CDH18: variants seen among roughly 807,000 people sequenced by gnomAD.
The protein encoded by CDH18 is cadherin-18.
CDH18 carries 31 observed loss-of-function variants against 67.9 expected under a neutral mutation model. That is an observed-to-expected ratio of 0.46 (90% CI 0.34 to 0.62). The LOEUF (loss-of-function observed/expected upper bound fraction) is 0.62. Among genes scored for constraint, CDH18 ranks in the 20% least tolerant of loss-of-function variants. The probability of loss-of-function intolerance (pLI) is 0.01; values close to 1 mark genes in which losing one functional copy is unlikely to be tolerated. For synonymous variants in CDH18, 362 were observed against 347.2 expected, an observed-to-expected ratio of 1.04 and a Z score of -0.48; for missense variants, 890 against 975.5, an observed-to-expected ratio of 0.91 and a Z score of 1.17.
At chr5:20,317,662 A>G (rs1377569163) in intron 1 of CDH18, among the ~76,000 whole-genome samples, 1 of 152,184 alleles carries the variant, frequency 6.6e-6, no homozygotes, top group Non-Finnish European at 1.5e-5. Flanking sequence ...ATTATGTTCA[A>G]CATAAGCTTT....
At chr5:20,255,300 T>C (rs1744149456) in intron 2 of CDH18, 1 of 152,162 alleles carries the variant, frequency 6.6e-6, no homozygotes, top group Non-Finnish European at 1.5e-5. Context: ...TTCTAAATAA[T>C]TCAGTGTAAT....
chr5:19,810,302 G>A (rs1212134179), intron 3 of CDH18, among the ~76,000 whole-genome samples: 1 of 152,092 alleles, frequency 6.6e-6, no homozygotes, highest in South Asian at 2.1e-4. Context: ...CTGCACCTCA[G>A]CCTGGGTGAC....
At chr5:19,477,715 G>C (rs889751955) in intron 12 of CDH18, among the ~76,000 whole-genome samples, 17 of 151,976 alleles carry the variant, frequency 1.1e-4, no homozygotes, top group African/African-American at 3.6e-4. Flanking sequence ...AAATGACCCT[G>C]ATAACCTATC....
At chr5:20,323,799 A>G (rs192876053) in intron 1 of CDH18, among the ~76,000 whole-genome samples, 1 of 152,358 alleles carries the variant, frequency 6.6e-6, no homozygotes, top group East Asian at 1.9e-4. Context: ...ATTATTTTTA[A>G]GCACCAGAGA....
At chr5:19,635,383 C>A (rs1320288492) in intron 5 of CDH18, among the ~76,000 whole-genome samples, 1 of 152,080 alleles carries the variant, frequency 6.6e-6, no homozygotes, top group Non-Finnish European at 1.5e-5. Flanking sequence ...AATGTACATA[C>A]AAAAATACAT....
At chr5:19,731,346 G>A (rs960672215) in intron 4 of CDH18, among the ~76,000 whole-genome samples, 26 of 152,246 alleles carry the variant, frequency 1.7e-4, no homozygotes, top group African/African-American at 6.3e-4. Flanking sequence ...AGCTACTCGG[G>A]AGGCTGAGGC....
At chr5:19,967,796 T>C (rs559273474) in intron 2 of CDH18, among the ~76,000 whole-genome samples, 110 of 152,172 alleles carry the variant, frequency 7.2e-4, no homozygotes, top group African/African-American at 2.5e-3. Flanking sequence ...AGGGATGCCC[T>C]CTCTCACCAC....
chr5:19,805,520 C>T (rs1256619559), intron 3 of CDH18, among the ~76,000 whole-genome samples: 1 of 152,130 alleles, frequency 6.6e-6, no homozygotes, highest in Admixed American at 6.5e-5. Context: ...ACTCCAGTGT[C>T]TCCTGATGCT....
intron 2 of CDH18, among the ~76,000 whole-genome samples, chr5:19,941,634 A>G (rs867555893): frequency 1.3e-5 from 2 of 151,988 alleles, no homozygotes; most frequent in Non-Finnish European, 2.9e-5. Flanking sequence ...AAGAAAAAAA[A>G]GAGTTAACTG....
chr5:19,545,204 T>C (rs911943964), intron 8 of CDH18, among the ~76,000 whole-genome samples: 2 of 152,136 alleles, frequency 1.3e-5, no homozygotes, highest in Admixed American at 6.6e-5. Context: ...AAAGATGAAA[T>C]GGACTGATTA....
chr5:20,192,565 A>T (rs1312970836), intron 2 of CDH18, among the ~76,000 whole-genome samples: 1 of 152,172 alleles, frequency 6.6e-6, no homozygotes, highest in African/African-American at 2.4e-5. Context: ...AGTTTTCTGC[A>T]TATGGCTAGC....
chr5:19,759,551 G>T (rs1215171699), intron 3 of CDH18, among the ~76,000 whole-genome samples: 1 of 152,170 alleles, frequency 6.6e-6, no homozygotes, highest in East Asian at 1.9e-4. Context: ...TGGGCCCACT[G>T]TAAGTCAGAC....
At chr5:19,972,798 A>G (rs1269052276) in intron 2 of CDH18, among the ~76,000 whole-genome samples, 1 of 152,026 alleles carries the variant, frequency 6.6e-6, no homozygotes, top group African/African-American at 2.4e-5. Context: ...AGGCACACAT[A>G]TGTTCTCCAA....
At chr5:19,697,972 A>T (rs935107372) in intron 5 of CDH18, among the ~76,000 whole-genome samples, 3 of 152,168 alleles carry the variant, frequency 2.0e-5, no homozygotes, top group Admixed American at 2.0e-4. Context: ...ACTGAAATTC[A>T]CATGGAATCT....
At chr5:20,410,121 C>T (rs536241718) in intron 1 of CDH18, among the ~76,000 whole-genome samples, 13 of 151,802 alleles carry the variant, frequency 8.6e-5, no homozygotes, top group Non-Finnish European at 1.8e-4. Context: ...AGTAAACACT[C>T]ATAAGCTAAT....
intron 1 of CDH18, among the ~76,000 whole-genome samples, chr5:20,474,850 A>T (rs1752328039): frequency 6.6e-6 from 1 of 152,164 alleles, no homozygotes; most frequent in African/African-American, 2.4e-5. Flanking sequence ...ATTTGCAACC[A>T]AATAACCTCT....
intron 2 of CDH18, among the ~76,000 whole-genome samples, chr5:20,247,397 T>C (rs1580575945): frequency 1.3e-5 from 2 of 152,292 alleles, no homozygotes; most frequent in South Asian, 2.1e-4. Context: ...AAAGACACTT[T>C]CCTTGATATG....
intron 2 of CDH18, among the ~76,000 whole-genome samples, chr5:20,148,893 C>T (rs970536995): frequency 2.0e-5 from 3 of 152,038 alleles, no homozygotes; most frequent in South Asian, 4.2e-4. Flanking sequence ...AAGCAGGCAC[C>T]CGAGATGTCC....
intron 1 of CDH18, among the ~76,000 whole-genome samples, chr5:20,537,581 G>C (rs576157199): frequency 6.6e-6 from 1 of 152,044 alleles, no homozygotes; most frequent in South Asian, 2.1e-4. Flanking sequence ...AAGACTCACA[G>C]CTGCAACTTT....
Sources: gnomAD v4.1 joint callset for allele counts (sites outside exome capture counted in the v4.1 genomes callset) on GRCh38, gnomAD v4.1.1 for gene constraint, MANE v1.5 for transcripts, NCBI Gene and HGNC (gene_info 2026-07-23, HGNC 2026-07-21) for gene names.